The following VWA3B variants were observed in gnomAD, a reference collection of about 807,000 sequenced individuals.
The protein encoded by VWA3B is von Willebrand factor A domain containing 3B.
A neutral mutation model predicts 158.3 loss-of-function variants in VWA3B; 138 were observed. That is an observed-to-expected ratio of 0.87 (90% CI 0.76 to 1.00). The LOEUF is 1.00. Among genes scored for constraint, VWA3B ranks in the 50% least tolerant of loss-of-function variants. VWA3B has a pLI of 0.00. For synonymous variants in VWA3B, 596 were observed against 587.3 expected (o/e 1.01, Z -0.21); for missense variants, 1,555 against 1,565.1 (o/e 0.99, Z 0.11).
chr2:98,181,156 G>A lies in VWA3B; in HGVS notation c.1255G>A (p.Asp419Asn). ...TGCCGACTGCTCTTTCCGCCACGCTGATGGGGTTGTGGATATAAAAGCCAA... is the reference window on the plus strand; with the variant it reads ...TGCCGACTGCTCTTTCCGCCACGCTAATGGGGTTGTGGATATAAAAGCCAA... ...VLADCSFRHA[D>N]GVVDIKAKPE... The change falls in exon 9 of 28, where the codon GAT (aspartate) becomes AAT (asparagine). Residue 419 changes from aspartate (D) to asparagine (N), a missense_variant. Transcript: ENST00000477737. 1 of 1,614,222 alleles carries A rather than the reference G, an allele frequency of 6.2e-7. No individual in the cohort carries two copies. The highest frequency in any genetic ancestry group is 8.5e-7 in the Non-Finnish European group (1 of 1,180,030).
intron 8 of VWA3B, among the ~76,000 whole-genome samples, chr2:98,172,618 C>T (rs1052762892): frequency 1.3e-5 from 2 of 152,158 alleles, no homozygotes; most frequent in Non-Finnish European, 1.5e-5. Flanking sequence ...TCCCCACTTC[C>T]ATATCGTTTA....
chr2:98,092,931 T>C (rs1256687020), intron 1 of VWA3B, 130 bp from the exon 2 acceptor site: 1 of 559,398 alleles, frequency 1.8e-6, no homozygotes, highest in East Asian at 3.1e-5. Context: ...CAAATATACA[T>C]GTATAATTTT....
chr2:98,280,773 TA>T (rs1279665296), intron 22 of VWA3B, among the ~76,000 whole-genome samples: 1 of 152,194 alleles, frequency 6.6e-6, no homozygotes, highest in African/African-American at 2.4e-5. Context: ...CTTTGGTTTT[TA>T]AGGCAAGGCT....
Position 98,297,950 on chromosome 2 carries a change from C to T in VWA3B, c.3201C>T (p.Gly1067=), listed in dbSNP as rs1181128593. The change falls in exon 24 of 28, where the codon GGC becomes GGT. Residue 1067 remains glycine (G), a synonymous_variant. Transcript: ENST00000477737. The part of the protein sequence containing the change: ...KCVSRTQALV[G]FSYGDTKVVS... ...TGAGCCGCACCCAAGCACTGGTGGG[C>T]TTCAGTTACGGAGACACCAAGGTCG... 1.3e-6 allele frequency: 2 copies of T among 1,585,760 alleles called. No individual in the cohort carries two copies. The highest frequency in any genetic ancestry group is 1.4e-5 in the African/African-American group (1 of 73,500).
At chr2:98,209,540 A>T (rs980642461) in intron 12 of VWA3B, among the ~76,000 whole-genome samples, 1 of 152,124 alleles carries the variant, frequency 6.6e-6, no homozygotes, top group African/African-American at 2.4e-5. Context: ...TCAGCCTCCC[A>T]AAGTGCTGGG....
chr2:98,249,441 A>G (rs1330899374), intron 19 of VWA3B, among the ~76,000 whole-genome samples: 1 of 152,194 alleles, frequency 6.6e-6, no homozygotes, highest in African/African-American at 2.4e-5. Flanking sequence ...AATTCTAGAG[A>G]AGATGAGGTA....
intron 19 of VWA3B, among the ~76,000 whole-genome samples, chr2:98,249,975 C>A (rs187747205): frequency 1.4e-4 from 22 of 152,246 alleles, no homozygotes; most frequent in Non-Finnish European, 2.2e-4. Context: ...TCTTATTGCC[C>A]ACTCTTACCA....
At chr2:98,311,693 G>C in intron 26 of VWA3B, 126 bp from the exon 27 acceptor site, 1 of 1,142,440 alleles carries the variant, frequency 8.8e-7, no homozygotes, top group Non-Finnish European at 1.2e-6. Flanking sequence ...GCGCTCCAGA[G>C]ACTCCTTTCC....
At chr2:98,200,050 T>C (rs1032894920) in intron 12 of VWA3B, among the ~76,000 whole-genome samples, 4 of 152,236 alleles carry the variant, frequency 2.6e-5, no homozygotes, top group Non-Finnish European at 5.9e-5. Flanking sequence ...GACATTCTAA[T>C]ATGGCTGAAA....
rs973372470 is a variant in VWA3B, at chr2:98,312,313, C to A, written c.3849C>A (p.Ser1283Arg). Residue 1283 changes from serine (S) to arginine (R), a missense_variant, in exon 28 of 28, where the codon AGC (serine) becomes AGA (arginine). By Grantham distance (110) the Ser-to-Arg change is moderately radical. Transcript: ENST00000477737. Reference protein sequence around the residue: ...ALPCTLQATHSSKGLRSVPET... With the variant: ...ALPCTLQATHRSKGLRSVPET... ...CCTGTACTCTCCAAGCCACCCACAGCAGCAAAGGGCTGAGGAGCGTCCCTG... is the reference window on the plus strand; with the variant it reads ...CCTGTACTCTCCAAGCCACCCACAGAAGCAAAGGGCTGAGGAGCGTCCCTG... 7 of 1,613,872 alleles carry A rather than the reference C, an allele frequency of 4.3e-6. No individual in the cohort carries two copies. Among genetic ancestry groups the A allele is most frequent in the African/African-American group, 4.0e-5 (3 of 74,934 alleles).
At chr2:98,097,106 T>A (rs977573519) in intron 2 of VWA3B, among the ~76,000 whole-genome samples, 2 of 152,166 alleles carry the variant, frequency 1.3e-5, no homozygotes, top group Non-Finnish European at 2.9e-5. Context: ...AATTAATAAA[T>A]TTTTTTACTT....
chr2:98,199,044 G>A (rs998933723), intron 12 of VWA3B, among the ~76,000 whole-genome samples: 2 of 149,500 alleles, frequency 1.3e-5, no homozygotes, highest in African/African-American at 5.0e-5. Context: ...CCGAGATGGC[G>A]CCACTGCACT....
chr2:98,099,545 T>C (rs1682943080), intron 2 of VWA3B, among the ~76,000 whole-genome samples: 1 of 152,166 alleles, frequency 6.6e-6, no homozygotes. Flanking sequence ...GATTATAAAA[T>C]CTTTTGGGGT....
chr2:98,322,856 C>G, the VWA3B span, among the ~76,000 whole-genome samples: 1 of 151,914 alleles, frequency 6.6e-6, no homozygotes, highest in Non-Finnish European at 1.5e-5. Context: ...AATTTGAAGC[C>G]ATAAGAACAG....
intron 7 of VWA3B, among the ~76,000 whole-genome samples, chr2:98,154,673 T>A (rs1203828038): frequency 6.6e-6 from 1 of 152,160 alleles, no homozygotes; most frequent in Non-Finnish European, 1.5e-5. Flanking sequence ...CTTAGAATTG[T>A]ACTGAAATAA....
At chr2:98,300,307 C>G (rs1690098570) in intron 25 of VWA3B, 91 bp downstream of exon 25, 12 of 1,550,274 alleles carry the variant, frequency 7.7e-6, no homozygotes, top group Non-Finnish European at 1.1e-5. Flanking sequence ...AATGGTTTCC[C>G]TGGCTGCATC....
At chr2:98,238,106 A>G (rs1361915573) in intron 19 of VWA3B, among the ~76,000 whole-genome samples, 1 of 152,198 alleles carries the variant, frequency 6.6e-6, no homozygotes, top group African/African-American at 2.4e-5. Flanking sequence ...TATTGGGAGA[A>G]GCAGATGAAT....
At chr2:98,126,395 T>C (rs1324655870) in intron 5 of VWA3B, among the ~76,000 whole-genome samples, 2 of 152,176 alleles carry the variant, frequency 1.3e-5, no homozygotes, top group East Asian at 3.9e-4. Context: ...GAAAATACTC[T>C]GTGTCTGCTC....
intron 2 of VWA3B, among the ~76,000 whole-genome samples, chr2:98,105,096 C>T (rs1683346996): frequency 6.6e-6 from 1 of 152,198 alleles, no homozygotes. Context: ...ATTCTTCCTT[C>T]TTGTAGGATT....
Sources: gnomAD v4.1 joint callset for allele counts (sites outside exome capture counted in the v4.1 genomes callset) on GRCh38, gnomAD v4.1.1 for gene constraint, MANE v1.5 for transcripts, NCBI Gene and HGNC (gene_info 2026-07-23, HGNC 2026-07-21) for gene names.